The following ATAD1 variants were observed in gnomAD, a reference collection of about 807,000 sequenced individuals.
ATAD1 encodes ATPase family AAA domain containing 1, also known as outer mitochondrial transmembrane helix translocase.
ATAD1 carries 18 observed loss-of-function variants against 42.7 expected under a neutral mutation model. The ratio of observed to expected loss-of-function variants is 0.42; its 90% CI spans 0.29 to 0.63. The LOEUF (loss-of-function observed/expected upper bound fraction) is 0.63, where lower values mean the gene tolerates loss of function less well. Ranked by LOEUF, ATAD1 falls within the 20% of genes least tolerant of loss-of-function variation. The pLI, the probability that ATAD1 is intolerant of heterozygous loss-of-function variation, is 0.19. For missense variants in ATAD1, 294 were observed against 440.4 expected (o/e 0.67, Z 2.98); for synonymous variants, 132 against 143.1 (o/e 0.92, Z 0.55).
chr10:87,782,255 G>T (rs1053109754), intron 5 of ATAD1, among the ~76,000 whole-genome samples: 13 of 152,172 alleles, frequency 8.5e-5, no homozygotes, highest in Non-Finnish European at 1.5e-4. Context: ...ATGTGATTCT[G>T]TATCATTTAA....
intron 2 of ATAD1, among the ~76,000 whole-genome samples, chr10:87,812,719 G>C (rs189516978): frequency 1.0e-3 from 153 of 152,312 alleles, no homozygotes; most frequent in African/African-American, 3.6e-3. Context: ...GAAGCAAAAA[G>C]TATCCCTCCT....
At chr10:87,773,187 AAACAT>A (rs759879176) in intron 6 of ATAD1, among the ~76,000 whole-genome samples, 5 of 152,234 alleles carry the variant, frequency 3.3e-5, no homozygotes, top group Non-Finnish European at 4.4e-5. Flanking sequence ...CTTTAAAACA[AAACAT>A]AATTTTTTTA....
At chr10:87,835,608 A>C (rs1455038125) in intron 1 of ATAD1, among the ~76,000 whole-genome samples, 1 of 152,134 alleles carries the variant, frequency 6.6e-6, no homozygotes, top group Non-Finnish European at 1.5e-5. Context: ...ACATTTTACC[A>C]ACCTGTTCAG....
At chr10:87,776,634 A>G (rs1855318563) in intron 5 of ATAD1, among the ~76,000 whole-genome samples, 1 of 151,608 alleles carries the variant, frequency 6.6e-6, no homozygotes, top group Admixed American at 6.6e-5. Flanking sequence ...ATGCGGAGCT[A>G]ATTTTTTTTT....
In ATAD1 at chr10:87,792,762, T is replaced by C. The variant is rs1050904658; in HGVS notation, c.163-7A>G. The C allele has an allele frequency of 4.4e-6, 7 of 1,607,474 alleles. No homozygotes were observed. The highest frequency in any genetic ancestry group is 5.1e-6 in the Non-Finnish European group (6 of 1,174,150). Reference sequence around the variant, plus strand: ...GCTTCATTAGTTTTTCTGCCTAGAATGAAAAGAACAAACAACCTGCTTTGA... The same window carrying C: ...GCTTCATTAGTTTTTCTGCCTAGAACGAAAAGAACAAACAACCTGCTTTGA... On this transcript the variant is annotated splice_polypyrimidine_tract_variant and splice_region_variant and intron_variant, in intron 2 of 9. Coordinates refer to ENST00000680024, the MANE Select transcript of ATAD1 (RefSeq NM_001321967.2).
intron 4 of ATAD1, among the ~76,000 whole-genome samples, chr10:87,785,721 T>C (rs1358636293): frequency 6.6e-6 from 1 of 150,600 alleles, no homozygotes; most frequent in Non-Finnish European, 1.5e-5. Context: ...CCCAAAAATA[T>C]CTCAATTTAA....
chr10:87,804,905 TCTC>T (rs2132019489), intron 2 of ATAD1, among the ~76,000 whole-genome samples: 1 of 152,166 alleles, frequency 6.6e-6, no homozygotes, highest in African/African-American at 2.4e-5. Context: ...GTTGAAACCA[TCTC>T]CTCTCTCATT....
At position 87,770,378 on chromosome 10, in the gene ATAD1, T is replaced by A. The variant is rs188068637; in HGVS notation, c.780+574A>T. Among the ~76,000 whole-genome samples, 11 of 152,312 alleles carry A rather than the reference T, an allele frequency of 7.2e-5. No individual in the cohort carries two copies. In the East Asian group the frequency reaches 1.9e-3, roughly 27 times the overall value. On this transcript the variant is annotated intron_variant, in intron 7 of 9. Transcript: ENST00000680024. ...GCCAAAATTATAGTGTACTGGTAAG[T>A]CATAATCATCTACTAGAGGGGTACT...
chr10:87,786,315 G>T (rs1383278571), intron 4 of ATAD1, among the ~76,000 whole-genome samples: 2 of 152,170 alleles, frequency 1.3e-5, no homozygotes, highest in Admixed American at 1.3e-4. Context: ...TCCATATTTT[G>T]TTGACTTTGT....
chr10:87,775,102 G>A (rs1329740941), intron 6 of ATAD1, among the ~76,000 whole-genome samples: 2 of 151,710 alleles, frequency 1.3e-5, no homozygotes, highest in Non-Finnish European at 2.9e-5. Flanking sequence ...TTTTTAAAAA[G>A]GCAAAAACAG....
At chr10:87,784,707 A>G (rs1160471646) in intron 4 of ATAD1, 37 bp from the exon 5 acceptor site, 3 of 1,569,754 alleles carry the variant, frequency 1.9e-6, no homozygotes, top group African/African-American at 1.4e-5. Context: ...CTTTAAGGGG[A>G]TATTTGCTTC....
At position 87,790,202 on chromosome 10, in the gene ATAD1, G is replaced by C. The variant is rs527525718; in HGVS notation, c.382+108C>G. 890 of 1,288,434 alleles carry C rather than the reference G, an allele frequency of 6.9e-4. 1 individual carries two copies. The highest frequency in any genetic ancestry group is 8.8e-4 in the Non-Finnish European group (822 of 934,364). The allele number at this position is 1,288,434 out of a possible 1,614,324, so 79.8% of individuals were successfully genotyped here. On this transcript the variant is annotated intron_variant, in intron 4 of 9. Transcript: ENST00000680024. The stretch of plus-strand genomic sequence containing the variant: ...TAAGAAACTGTTCACATAGATCTCA[G>C]CATCCTCTTGAGAATCTGATTTCAC...
chr10:87,804,086 T>A, intron 2 of ATAD1, among the ~76,000 whole-genome samples: 1 of 152,242 alleles, frequency 6.6e-6, no homozygotes, highest in East Asian at 1.9e-4. Context: ...CTCTTCCAAG[T>A]TGGCATTCTG....
chr10:87,801,341 G>T (rs1338628261), intron 2 of ATAD1, among the ~76,000 whole-genome samples: 1 of 150,702 alleles, frequency 6.6e-6, no homozygotes, highest in Non-Finnish European at 1.5e-5. Context: ...TCTTTTTTTT[G>T]ACCTAATTAA....
chr10:87,811,673 T>C (rs1305593120), intron 2 of ATAD1, among the ~76,000 whole-genome samples: 2 of 151,396 alleles, frequency 1.3e-5, no homozygotes. Flanking sequence ...TTGGGAAAAG[T>C]TCTACAAATG....
intron 7 of ATAD1, among the ~76,000 whole-genome samples, chr10:87,769,199 G>A (rs1198591367): frequency 6.6e-6 from 1 of 152,208 alleles, no homozygotes; most frequent in Non-Finnish European, 1.5e-5. Context: ...GTGTTCTGAT[G>A]TCTTGCTTAC....
At chr10:87,824,204 A>T (rs1208417444) in intron 1 of ATAD1, among the ~76,000 whole-genome samples, 1 of 148,262 alleles carries the variant, frequency 6.7e-6, no homozygotes, top group Non-Finnish European at 1.5e-5. Flanking sequence ...AGAGGTATAG[A>T]TTTAACCTGA....
chr10:87,770,755 A>G (rs962379652), intron 7 of ATAD1, among the ~76,000 whole-genome samples, 197 bp downstream of exon 7: 1 of 151,008 alleles, frequency 6.6e-6, no homozygotes, highest in Non-Finnish European at 1.5e-5. Flanking sequence ...TACTTTGAAG[A>G]GAAGCAAGTA....
chr10:87,795,957 T>C (rs11816798), intron 2 of ATAD1, among the ~76,000 whole-genome samples: 45,843 of 152,102 alleles, frequency 0.3, 7,114 homozygotes, highest in African/African-American at 0.32. Flanking sequence ...ACCAAGGTCA[T>C]AGCTGAAGTG....
Sources: allele counts gnomAD v4.1 joint callset (sites outside exome capture counted in the v4.1 genomes callset), GRCh38; gene constraint gnomAD v4.1.1; transcripts MANE v1.5; gene names NCBI Gene and HGNC (gene_info 2026-07-23, HGNC 2026-07-21).